Variants in GFRA1 observed in about 807,000 individuals in gnomAD.
GFRA1 encodes GDNF family receptor alpha 1, also known as GDNF family receptor alpha-1.
A neutral mutation model predicts 51.6 loss-of-function variants in GFRA1; 16 were observed. The observed-to-expected ratio is 0.31, with a 90% CI of 0.21 to 0.47. The LOEUF (loss-of-function observed/expected upper bound fraction) is 0.47. Among genes scored for constraint, GFRA1 ranks in the 20% least tolerant of loss-of-function variants. The pLI is 1.00. For synonymous variants in GFRA1, 270 were observed against 241.3 expected (o/e 1.12, Z -1.10); for missense variants, 530 against 594.3 (o/e 0.89, Z 1.13).
At chr10:116,217,385 C>T (rs943282902) in intron 4 of GFRA1, among the ~76,000 whole-genome samples, 10 of 152,246 alleles carry the variant, frequency 6.6e-5, no homozygotes, top group African/African-American at 1.2e-4. Context: ...ATAATTTAAT[C>T]GGCACAGGCC....
intron 6 of GFRA1, among the ~76,000 whole-genome samples, chr10:116,105,508 G>A (rs1956972975): frequency 6.6e-6 from 1 of 152,156 alleles, no homozygotes; most frequent in South Asian, 2.1e-4. Context: ...GGGCAGCAAA[G>A]GTCATCCACC....
chr10:116,237,842 C>A (rs1243243635), intron 4 of GFRA1, among the ~76,000 whole-genome samples: 1 of 152,150 alleles, frequency 6.6e-6, no homozygotes, highest in Non-Finnish European at 1.5e-5. Flanking sequence ...AGCACCAAAG[C>A]TCTGCACAAA....
chr10:116,084,701 T>G (rs1168637871), intron 9 of GFRA1, among the ~76,000 whole-genome samples: 1 of 151,804 alleles, frequency 6.6e-6, no homozygotes, highest in Non-Finnish European at 1.5e-5. Context: ...TTAAGCAGTG[T>G]ACAATGATGC....
intron 4 of GFRA1, among the ~76,000 whole-genome samples, chr10:116,256,361 A>G (rs1203438928): frequency 6.6e-6 from 1 of 152,148 alleles, no homozygotes. Context: ...TCTGGGATGA[A>G]TACAGAGGGT....
At chr10:116,254,362 A>G (rs1352980069) in intron 4 of GFRA1, among the ~76,000 whole-genome samples, 1 of 151,276 alleles carries the variant, frequency 6.6e-6, no homozygotes, top group Non-Finnish European at 1.5e-5. Context: ...AGAAAAGAAA[A>G]AAGAAATAGC....
chr10:116,155,567 C>G (rs529122625), intron 5 of GFRA1, among the ~76,000 whole-genome samples: 1 of 152,186 alleles, frequency 6.6e-6, no homozygotes, highest in Admixed American at 6.5e-5. Context: ...GATGATTGTA[C>G]ATATCACCAC....
chr10:116,115,443 T>C (rs556574829), intron 6 of GFRA1, among the ~76,000 whole-genome samples: 2 of 152,158 alleles, frequency 1.3e-5, no homozygotes, highest in South Asian at 2.1e-4. Flanking sequence ...GATGAGCCCA[T>C]GCATGGGAGG....
At chr10:116,113,919 G>C (rs1362426530) in intron 6 of GFRA1, among the ~76,000 whole-genome samples, 1 of 152,054 alleles carries the variant, frequency 6.6e-6, no homozygotes, top group Non-Finnish European at 1.5e-5. Context: ...ATCATCACCC[G>C]CACCACCGTC....
chr10:116,057,513 A>C lies in GFRA1; in HGVS notation c.*6885T>G, dbSNP rs1954598911. On this transcript the variant is annotated 3_prime_UTR_variant, in exon 11 of 11. Transcript: ENST00000355422. ...GCAACACCATCCAAAAGAGTACAAGAAAAAAACCCCACAGCCTAAATCTCA... is the reference window on the plus strand; with the variant it reads ...GCAACACCATCCAAAAGAGTACAAGCAAAAAACCCCACAGCCTAAATCTCA... 6.6e-6 allele frequency: 1 copy of C among 152,208 alleles called. No homozygotes were observed. Among genetic ancestry groups the C allele is most frequent in the South Asian group, 2.1e-4 (1 of 4,824 alleles). 9.4% of individuals were successfully genotyped at this position (152,208 alleles called of 1,614,324 possible).
At chr10:116,164,172 C>G (rs560569830) in intron 5 of GFRA1, among the ~76,000 whole-genome samples, 1 of 152,272 alleles carries the variant, frequency 6.6e-6, no homozygotes, top group African/African-American at 2.4e-5. Flanking sequence ...AGCCCACAGA[C>G]TAGACTTTAC....
At position 116,089,849 on chromosome 10, in the gene GFRA1, G is replaced by C. The variant is rs527713914; in HGVS notation, c.1089C>G (p.Thr363=). The C allele has an allele frequency of 1.2e-6, 2 of 1,614,056 alleles. No individual in the cohort carries two copies. The highest frequency in any genetic ancestry group is 4.5e-5 in the East Asian group (2 of 44,870). ...VWQPAFPVQT[T]TATTTTALRV... is the part of the protein sequence containing the mutation. ...GGAGGGCAGTGGTGGTAGTGGCAGT[G>C]GTGGTCTGTACTGGGAAGGCTGGCT... Residue 363 remains threonine, a synonymous_variant, in exon 9 of 11, where the codon ACC becomes ACG. Transcript: ENST00000355422.
intron 10 of GFRA1, 47 bp downstream of exon 10, chr10:116,065,526 G>A (rs534173587): frequency 1.3e-6 from 2 of 1,491,094 alleles, no homozygotes. Context: ...GGGCCCAAAG[G>A]CTATGTTTCT....
Position 116,125,513 on chromosome 10 carries a change from C to A in GFRA1, c.478G>T (p.Ala160Ser), listed in dbSNP as rs1957832444. 6.2e-7 allele frequency: 1 copy of A among 1,614,026 alleles called. No homozygotes were observed. The highest frequency in any genetic ancestry group is 1.7e-5 in the Admixed American group (1 of 60,002). ...KGNNCLDAAK[A>S]CNLDDICKKY... ...TTGCAAATGTCGTCGAGGTTGCAGGCCTTCGCTGCATCCAGGCAGTTGTTC... is the reference window on the plus strand; with the variant it reads ...TTGCAAATGTCGTCGAGGTTGCAGGACTTCGCTGCATCCAGGCAGTTGTTC... Residue 160 changes from alanine to serine, a missense_variant, in exon 6 of 11, where the codon GCC becomes TCC. Coordinates refer to ENST00000355422, the MANE Select transcript of GFRA1 (RefSeq NM_005264.8).
At chr10:116,184,462 C>A (rs1282029103) in intron 5 of GFRA1, among the ~76,000 whole-genome samples, 1 of 152,236 alleles carries the variant, frequency 6.6e-6, no homozygotes, top group Non-Finnish European at 1.5e-5. Flanking sequence ...AATGACTGTG[C>A]TTCCCCAGTG....
At chr10:116,086,878 T>A (rs961570364) in intron 9 of GFRA1, among the ~76,000 whole-genome samples, 8 of 152,150 alleles carry the variant, frequency 5.3e-5, no homozygotes, top group Non-Finnish European at 8.8e-5. Context: ...AGTGCAGTGG[T>A]GCAATCACGG....
intron 4 of GFRA1, chr10:116,226,763 G>A: frequency 2.4e-6 from 1 of 422,032 alleles, no homozygotes; most frequent in South Asian, 1.7e-5. Flanking sequence ...ACCAGTGGCA[G>A]CCCTGACCTT....
At chr10:116,121,694 G>C (rs7920462) in intron 6 of GFRA1, among the ~76,000 whole-genome samples, 1 of 152,152 alleles carries the variant, frequency 6.6e-6, no homozygotes, top group South Asian at 2.1e-4. Context: ...GTGAGCTTTC[G>C]AAGAATATGG....
chr10:116,229,892 G>A (rs1966574135), intron 4 of GFRA1, among the ~76,000 whole-genome samples: 1 of 152,138 alleles, frequency 6.6e-6, no homozygotes, highest in Non-Finnish European at 1.5e-5. Context: ...CAGTCGTGTT[G>A]GAAAGGAGAC....
At chr10:116,229,918 T>C (rs1232030131) in intron 4 of GFRA1, among the ~76,000 whole-genome samples, 1 of 152,174 alleles carries the variant, frequency 6.6e-6, no homozygotes, top group East Asian at 1.9e-4. Flanking sequence ...TGCGGTGTCA[T>C]GTATTCCTAC....
Sources: gnomAD v4.1 joint callset for allele counts (sites outside exome capture counted in the v4.1 genomes callset) on GRCh38, gnomAD v4.1.1 for gene constraint, MANE v1.5 for transcripts, NCBI Gene and HGNC (gene_info 2026-07-23, HGNC 2026-07-21) for gene names.